DMD: variants seen among roughly 807,000 people sequenced by gnomAD.
The protein encoded by DMD is dystrophin.
Under a neutral mutation model 330.1 loss-of-function variants are expected in DMD, and 63 were observed. That is an observed-to-expected ratio of 0.19 (90% CI 0.16 to 0.24). DMD has a LOEUF of 0.24. Ranked by LOEUF, DMD falls within the 10% of genes least tolerant of loss-of-function variation. The probability of loss-of-function intolerance (pLI) is 1.00; values close to 1 mark genes in which losing one functional copy is unlikely to be tolerated. For synonymous variants in DMD, 1,223 were observed against 959.8 expected (o/e 1.27, Z -5.07); for missense variants, 3,344 against 2,684.1 (o/e 1.25, Z -5.43).
chrX:32,332,413 A>AGTGTGTGT (rs111973319), intron 41 of DMD, among the ~76,000 whole-genome samples: 36,666 of 94,958 alleles, frequency 0.39, 6,020 homozygotes, highest in South Asian at 0.55. Context: ...ATGGATAAAA[A>AGTGTGTGT]GTGTGTGTGT....
chrX:33,283,407 G>A (rs2053371275), intron 1 of DMD, among the ~76,000 whole-genome samples: 1 of 109,736 alleles, frequency 9.1e-6, no homozygotes, highest in Non-Finnish European at 1.9e-5. Context: ...GAGCGTGGTG[G>A]TGGGCACTCG....
At chrX:33,217,661 T>A (rs1262742295) in intron 1 of DMD, among the ~76,000 whole-genome samples, 1 of 111,824 alleles carries the variant, frequency 8.9e-6, no homozygotes, top group Non-Finnish European at 1.9e-5. Context: ...ACGAACAGAT[T>A]CTTAAATTAT....
At chrX:32,297,335 G>A (rs761705314) in intron 42 of DMD, among the ~76,000 whole-genome samples, 12 of 108,398 alleles carry the variant, frequency 1.1e-4, no homozygotes, top group South Asian at 4.0e-4. Flanking sequence ...ATGCAGTGGC[G>A]CAATCTCTGT....
chrX:31,251,166 T>TC (rs1364690417), intron 63 of DMD, among the ~76,000 whole-genome samples: 1 of 104,644 alleles, frequency 9.6e-6, no homozygotes, highest in Non-Finnish European at 2.0e-5. Flanking sequence ...GATAGCTTCT[T>TC]TTTTTTTTTT....
At chrX:32,399,466 G>A (rs2098070276) in intron 30 of DMD, among the ~76,000 whole-genome samples, 1 of 111,231 alleles carries the variant, frequency 9.0e-6, no homozygotes, top group Admixed American at 9.5e-5. Flanking sequence ...AATGACAAAC[G>A]GGTATATGAA....
At chrX:31,733,407 T>C (rs760837642) in intron 51 of DMD, among the ~76,000 whole-genome samples, 16 of 111,656 alleles carry the variant, frequency 1.4e-4, no homozygotes, top group Non-Finnish European at 2.8e-4. Context: ...AGAAAAGACT[T>C]TGAAAATCAA....
At chrX:32,734,688 G>A (rs2068190198) in intron 7 of DMD, among the ~76,000 whole-genome samples, 1 of 109,682 alleles carries the variant, frequency 9.1e-6, no homozygotes, top group Non-Finnish European at 1.9e-5. Flanking sequence ...CATAGATGCA[G>A]AAAAGGCCTT....
chrX:33,114,077 A>G (rs747808956), intron 1 of DMD, among the ~76,000 whole-genome samples: 24 of 109,519 alleles, frequency 2.2e-4, no homozygotes, highest in Non-Finnish European at 3.8e-4. Context: ...ATCTGGTATT[A>G]TTGTGTAATT....
chrX:32,665,503 T>C (rs1191294232), intron 9 of DMD, among the ~76,000 whole-genome samples: 1 of 112,389 alleles, frequency 8.9e-6, no homozygotes, highest in African/African-American at 3.2e-5. Flanking sequence ...ATGTCTTATG[T>C]ATTCAATTAA....
intron 63 of DMD, among the ~76,000 whole-genome samples, chrX:31,237,165 C>CA (rs2047814801): frequency 1.8e-5 from 2 of 112,579 alleles, no homozygotes; most frequent in African/African-American, 3.2e-5. Flanking sequence ...TGCATGCTTT[C>CA]ACCTCATTAG....
chrX:32,660,647 G>T (rs149611194), intron 9 of DMD, among the ~76,000 whole-genome samples: 49 of 111,151 alleles, frequency 4.4e-4, no homozygotes, highest in African/African-American at 1.6e-3. Flanking sequence ...TGTTAATACA[G>T]AAGCTTCTCC....
At chrX:32,775,051 C>T (rs949942816) in intron 7 of DMD, among the ~76,000 whole-genome samples, 1 of 112,122 alleles carries the variant, frequency 8.9e-6, no homozygotes, top group Non-Finnish European at 1.9e-5. Context: ...AGACACAGGT[C>T]CCACGCAAGT....
intron 7 of DMD, among the ~76,000 whole-genome samples, chrX:32,773,787 C>A (rs1406759980): frequency 9.0e-6 from 1 of 111,206 alleles, no homozygotes; most frequent in Non-Finnish European, 1.9e-5. Context: ...TCTTAGTTTT[C>A]AATACTATAT....
intron 9 of DMD, among the ~76,000 whole-genome samples, chrX:32,680,927 C>A (rs932826893): frequency 4.5e-5 from 5 of 111,849 alleles, no homozygotes; most frequent in African/African-American, 6.5e-5. Flanking sequence ...ACTTCTGGTA[C>A]CTTCTCTAGC....
At chrX:32,220,945 A>T (rs2097129938) in intron 43 of DMD, among the ~76,000 whole-genome samples, 1 of 111,884 alleles carries the variant, frequency 8.9e-6, no homozygotes, top group African/African-American at 3.2e-5. Flanking sequence ...ATAATAAATC[A>T]AGTGATTTTA....
At chrX:31,765,952 A>G (rs1019090905) in intron 51 of DMD, among the ~76,000 whole-genome samples, 1 of 111,454 alleles carries the variant, frequency 9.0e-6, no homozygotes, top group African/African-American at 3.3e-5. Flanking sequence ...ATTAGTTAAC[A>G]TTACCCTAAC....
rs1325304666 is a variant in DMD at position 32,408,904 on chromosome X, CTAT to C, written c.4233+2845_4233+2847del. On this transcript the variant is annotated intron_variant, in intron 30 of 78. Coordinates refer to ENST00000357033, the MANE Select transcript of DMD (RefSeq NM_004006.3). Reference sequence around the variant, plus strand: ...TCTATCTATCTATCTATCTATCTATCTATCTATCCATCCATCAATCCATACATC... The same window carrying C: ...TCTATCTATCTATCTATCTATCTATCCTATCCATCCATCAATCCATACATC... Among the ~76,000 whole-genome samples, 945 of 107,978 alleles carry C rather than the reference CTAT, an allele frequency of 8.8e-3. 9 individuals are homozygous for C. Among genetic ancestry groups the C allele is most frequent in the African/African-American group, 0.029 (828 of 28,799 alleles). The allele number at this position is 107,978 out of a possible 115,157, so 93.8% of individuals were successfully genotyped here.
At chrX:32,790,662 C>T (rs2075748376) in intron 7 of DMD, among the ~76,000 whole-genome samples, 1 of 111,743 alleles carries the variant, frequency 8.9e-6, no homozygotes. Context: ...AGCAAACCCT[C>T]CCCTGCCCAA....
At chrX:31,850,408 T>C (rs1027973713) in intron 48 of DMD, among the ~76,000 whole-genome samples, 1 of 112,305 alleles carries the variant, frequency 8.9e-6, no homozygotes, top group Non-Finnish European at 1.9e-5. Context: ...TTCATTATTA[T>C]TCATTTCCTC....
Sources: allele counts gnomAD v4.1 joint callset (sites outside exome capture counted in the v4.1 genomes callset), GRCh38; gene constraint gnomAD v4.1.1; transcripts MANE v1.5; gene names NCBI Gene and HGNC (gene_info 2026-07-23, HGNC 2026-07-21).